The following OSBPL1A variants were observed in gnomAD, a reference collection of about 807,000 sequenced individuals.
The protein encoded by OSBPL1A is oxysterol-binding protein-related protein 1.
In OSBPL1A, 80 loss-of-function variants were observed where a neutral mutation model predicts 137.1. The ratio of observed to expected loss-of-function variants is 0.58; its 90% CI spans 0.49 to 0.70. The LOEUF is 0.70. Among genes scored for constraint, OSBPL1A ranks in the 30% least tolerant of loss-of-function variants. The pLI is 0.00. For synonymous variants in OSBPL1A, 365 were observed against 389.7 expected, an observed-to-expected ratio of 0.94 and a Z score of 0.75; for missense variants, 970 against 1,129.4, an observed-to-expected ratio of 0.86 and a Z score of 2.02.
intron 4 of OSBPL1A, among the ~76,000 whole-genome samples, chr18:24,365,036 A>AAAAAAAAAAAAAAAC: frequency 6.6e-6 from 1 of 151,610 alleles, no homozygotes; most frequent in Non-Finnish European, 1.5e-5. Flanking sequence ...AAAAAAAAAA[A>AAAAAAAAAAAAAAAC]AAAAAAAAAA....
chr18:24,213,411 T>C (rs2087602089), intron 17 of OSBPL1A, among the ~76,000 whole-genome samples: 3 of 151,992 alleles, frequency 2.0e-5, no homozygotes, highest in Admixed American at 1.3e-4. Context: ...CTACTAAAAA[T>C]ATAAAAAATT....
intron 15 of OSBPL1A, among the ~76,000 whole-genome samples, chr18:24,258,552 T>C (rs549798635): frequency 6.6e-6 from 1 of 152,254 alleles, no homozygotes; most frequent in South Asian, 2.1e-4. Flanking sequence ...GAATGAATAA[T>C]ACCTGATATT....
chr18:24,210,537 T>C (rs1288868377), intron 17 of OSBPL1A, among the ~76,000 whole-genome samples: 1 of 41,426 alleles, frequency 2.4e-5, no homozygotes, highest in Non-Finnish European at 7.4e-5. Flanking sequence ...TTCTTTTTCT[T>C]TTTTTTTTTT....
At chr18:24,332,859 C>T (rs1230885942) in intron 7 of OSBPL1A, 83 bp downstream of exon 7, 1 of 1,518,054 alleles carries the variant, frequency 6.6e-7, no homozygotes, top group Non-Finnish European at 9.0e-7. Flanking sequence ...AGGCTGGATA[C>T]TGAAACAAAA....
chr18:24,396,861 T>C (rs1176792856), intron 1 of OSBPL1A, among the ~76,000 whole-genome samples: 1 of 152,172 alleles, frequency 6.6e-6, no homozygotes, highest in African/African-American at 2.4e-5. Context: ...ATGCACCTAT[T>C]ACAGGGCAAA....
At chr18:24,390,786 C>G (rs936420838) in intron 1 of OSBPL1A, among the ~76,000 whole-genome samples, 1 of 150,036 alleles carries the variant, frequency 6.7e-6, no homozygotes, top group Non-Finnish European at 1.5e-5. Flanking sequence ...TGCTCTTGCT[C>G]TCCAAATTTC....
chr18:24,281,096 T>G, intron 14 of OSBPL1A, 148 bp from the exon 15 acceptor site: 1 of 539,264 alleles, frequency 1.9e-6, no homozygotes, highest in Non-Finnish European at 3.1e-6. Flanking sequence ...TCTTTTTTTT[T>G]GTTTTCTTGA....
intron 17 of OSBPL1A, among the ~76,000 whole-genome samples, chr18:24,217,328 G>C (rs2087737821): frequency 6.8e-6 from 1 of 147,944 alleles, no homozygotes; most frequent in Non-Finnish European, 1.5e-5. Flanking sequence ...TGTGATCTCA[G>C]CTCATAGCAA....
At chr18:24,220,497 T>C (rs551305356) in intron 17 of OSBPL1A, among the ~76,000 whole-genome samples, 1 of 152,304 alleles carries the variant, frequency 6.6e-6, no homozygotes, top group African/African-American at 2.4e-5. Context: ...GCTCCCATTG[T>C]CTTGGGGAAC....
chr18:24,185,551 C>T (rs1177649684), intron 18 of OSBPL1A, among the ~76,000 whole-genome samples: 1 of 152,048 alleles, frequency 6.6e-6, no homozygotes, highest in African/African-American at 2.4e-5. Context: ...GAACTCCTGA[C>T]CTCGTGATCC....
intron 20 of OSBPL1A, 32 bp downstream of exon 20, chr18:24,179,706 G>A (rs368730105): frequency 1.7e-4 from 262 of 1,543,240 alleles, no homozygotes; most frequent in Non-Finnish European, 2.2e-4. Flanking sequence ...CATCTGCAAC[G>A]CTGTATAAAG....
At chr18:24,283,035 G>A (rs559173728) in intron 14 of OSBPL1A, among the ~76,000 whole-genome samples, 1 of 151,918 alleles carries the variant, frequency 6.6e-6, no homozygotes, top group East Asian at 1.9e-4. Flanking sequence ...CTTGAGCCCA[G>A]GAGTTCAAGT....
chr18:24,200,851 A>T (rs962017078), intron 17 of OSBPL1A, among the ~76,000 whole-genome samples: 24 of 151,810 alleles, frequency 1.6e-4, no homozygotes, highest in Non-Finnish European at 2.8e-4. Flanking sequence ...GAGAAATTTT[A>T]AAAAAAAATT....
Position 24,200,192 on chromosome 18 carries a change from T to G in OSBPL1A, c.1602-3992A>C, listed in dbSNP as rs542300281. 6.6e-5 allele frequency among the ~76,000 whole-genome samples: 10 copies of G among 152,342 alleles called. No homozygotes were observed. The East Asian group carries it at 1.9e-3, about 29-fold the overall frequency. On this transcript the variant is annotated intron_variant, in intron 17 of 27. Transcript: ENST00000319481. Reference sequence around the variant, plus strand: ...CAATTAAGCTACTAAACAGTTAACATGAAATCTAGTCTTAACAGTCGTTTT... The same window carrying G: ...CAATTAAGCTACTAAACAGTTAACAGGAAATCTAGTCTTAACAGTCGTTTT...
chr18:24,343,701 A>G (rs1425842282), intron 4 of OSBPL1A, among the ~76,000 whole-genome samples: 1 of 152,220 alleles, frequency 6.6e-6, no homozygotes, highest in Non-Finnish European at 1.5e-5. Context: ...CATAAGTGCC[A>G]AGACAGTTCA....
chr18:24,328,817 A>G (rs2091025116), intron 7 of OSBPL1A, among the ~76,000 whole-genome samples: 1 of 152,212 alleles, frequency 6.6e-6, no homozygotes, highest in South Asian at 2.1e-4. Flanking sequence ...CTTAGTATCA[A>G]AAAAGGAATG....
At chr18:24,245,718 G>GTAT (rs2146019394) in intron 15 of OSBPL1A, among the ~76,000 whole-genome samples, 1 of 152,256 alleles carries the variant, frequency 6.6e-6, no homozygotes. Flanking sequence ...CTTCATTATA[G>GTAT]TATAGTATAC....
chr18:24,204,245 T>C (rs1305936509), intron 17 of OSBPL1A, among the ~76,000 whole-genome samples: 27 of 152,238 alleles, frequency 1.8e-4, no homozygotes, highest in Non-Finnish European at 1.5e-5. Flanking sequence ...ACTGCGGTAA[T>C]GATGCTACCT....
chr18:24,185,137 G>A (rs990810958), intron 18 of OSBPL1A, among the ~76,000 whole-genome samples: 59 of 152,140 alleles, frequency 3.9e-4, no homozygotes, highest in Admixed American at 2.0e-3. Flanking sequence ...AAAAAGGTCA[G>A]TGGTTGCCCA....
Sources: gnomAD v4.1 joint callset for allele counts (sites outside exome capture counted in the v4.1 genomes callset) on GRCh38, gnomAD v4.1.1 for gene constraint, MANE v1.5 for transcripts, NCBI Gene and HGNC (gene_info 2026-07-23, HGNC 2026-07-21) for gene names.